The following TRPM4 variants were observed in gnomAD, a reference collection of about 807,000 sequenced individuals.
TRPM4 encodes calcium-activated non-selective cation channel 1.
A neutral mutation model predicts 135.6 loss-of-function variants in TRPM4; 124 were observed. That is an observed-to-expected ratio of 0.91 (90% CI 0.79 to 1.06). TRPM4 has a LOEUF of 1.06. Ranked by LOEUF, TRPM4 falls within the 50% of genes least tolerant of loss-of-function variation. The pLI, the probability that TRPM4 is intolerant of heterozygous loss-of-function variation, is 0.00. For synonymous variants in TRPM4, 745 were observed against 705.6 expected (o/e 1.06, Z -0.88); for missense variants, 1,658 against 1,671.4 (o/e 0.99, Z 0.14).
chr19:49,157,973 C>A lies in TRPM4; in HGVS notation c.24+83C>A, dbSNP rs2041545829. The A allele has an allele frequency of 4.1e-6, 6 of 1,469,870 alleles. No homozygotes were observed. The African/African-American group carries it at 7.0e-5, about 17-fold the overall frequency. 91.1% of individuals were successfully genotyped at this position (1,469,870 alleles called of 1,614,324 possible). A position where few individuals can be genotyped will look rare whatever the true frequency, so the allele number is the denominator to read the frequency against. ...CCCAGAGAGGAGGGCGCTGGACACCCAGATTCCTGGGTCAGACGGAGGAGG... is the reference window on the plus strand; with the variant it reads ...CCCAGAGAGGAGGGCGCTGGACACCAAGATTCCTGGGTCAGACGGAGGAGG... On this transcript the variant is annotated intron_variant, in intron 1 of 24. Coordinates refer to ENST00000252826, the MANE Select transcript of TRPM4 (RefSeq NM_017636.4).
At chr19:49,189,455 G>A (rs897805480) in intron 14 of TRPM4, among the ~76,000 whole-genome samples, 2 of 151,992 alleles carry the variant, frequency 1.3e-5, no homozygotes, top group African/African-American at 2.4e-5. Context: ...GAAGTCCTAC[G>A]GCATCCACAG....
chr19:49,175,095 G>C (rs1172200507), intron 9 of TRPM4, among the ~76,000 whole-genome samples: 7 of 86,250 alleles, frequency 8.1e-5, no homozygotes, highest in African/African-American at 5.3e-4. Context: ...TTTTTTTTGA[G>C]ACGGAGTTTC....
At chr19:49,167,243 CT>C (rs1967237614) in intron 3 of TRPM4, among the ~76,000 whole-genome samples, 3 of 142,020 alleles carry the variant, frequency 2.1e-5, no homozygotes, top group South Asian at 2.3e-4. Context: ...GTCTCTGTCC[CT>C]CTCTCTCTGG....
intron 12 of TRPM4, among the ~76,000 whole-genome samples, chr19:49,185,221 TTTC>T (rs1194942882): frequency 6.6e-6 from 1 of 152,154 alleles, no homozygotes; most frequent in Non-Finnish European, 1.5e-5. Flanking sequence ...ATTCATTTCA[TTTC>T]TTTTCTTTTA....
Position 49,196,761 on chromosome 19 carries a change from C to A in TRPM4, c.2532C>A (p.Gly844=). ...SGGGGSLASG[G]PGPGHASLSQ... The stretch of plus-strand genomic sequence containing the variant: ...GCGGGGGCAGCCTCGCCAGCGGGGG[C>A]CCCGGGCCTGGCCATGCCTCACTGA... The change falls in exon 17 of 25, where the codon GGC becomes GGA. Residue 844 remains glycine (G), a synonymous_variant. Transcript: ENST00000252826. The A allele has an allele frequency of 1.3e-6, 2 of 1,551,672 alleles. No homozygotes were observed. Among genetic ancestry groups the A allele is most frequent in the Non-Finnish European group, 1.7e-6 (2 of 1,155,576 alleles).
In TRPM4 at chr19:49,171,236, G is replaced by A; in HGVS notation, c.797-121G>A. The A allele has an allele frequency of 3.0e-6, 3 of 1,014,804 alleles. No individual in the cohort carries two copies. The highest frequency in any genetic ancestry group is 3.1e-6 in the Non-Finnish European group (2 of 641,600). The allele number at this position is 1,014,804 out of a possible 1,614,324, so 62.9% of individuals were successfully genotyped here. A position where few individuals can be genotyped will look rare whatever the true frequency, so the allele number is the denominator to read the frequency against. ...AAAAAAGAAATGACAATTCCAATGA[G>A]CCTCTGAACAGAAGATTAGGACAAG... On this transcript the variant is annotated intron_variant, in intron 6 of 24. Transcript: ENST00000252826. The surrounding 1 kb of genome is among the most constrained non-coding windows in gnomAD (Gnocchi z 4.7).
chr19:49,190,976 G>A (rs1030894670), intron 16 of TRPM4, among the ~76,000 whole-genome samples: 9 of 152,162 alleles, frequency 5.9e-5, no homozygotes, highest in Non-Finnish European at 1.2e-4. Context: ...ATCTGCGGCT[G>A]GTGAGCCCTC....
intron 17 of TRPM4, 37 bp from the exon 18 acceptor site, chr19:49,200,263 T>A: frequency 1.2e-6 from 2 of 1,614,142 alleles, no homozygotes; most frequent in South Asian, 2.2e-5. Context: ...TGGCGTCTTG[T>A]GACACTTGAC....
chr19:49,195,355 TTTC>T (rs748392398), intron 16 of TRPM4, among the ~76,000 whole-genome samples: 11 of 152,200 alleles, frequency 7.2e-5, no homozygotes, highest in African/African-American at 1.7e-4. Context: ...TCTATGGTCT[TTTC>T]TTCTTCTTCT....
Position 49,210,696 on chromosome 19 carries a change from G to C in TRPM4, c.3329-14G>C, listed in dbSNP as rs777092081. The C allele has an allele frequency of 8.3e-5, 134 of 1,613,416 alleles. 1 individual carries two copies. The highest frequency in any genetic ancestry group is 4.0e-4 in the Admixed American group (24 of 59,936). On this transcript the variant is annotated splice_polypyrimidine_tract_variant and intron_variant, in intron 21 of 24. Coordinates refer to ENST00000252826, the MANE Select transcript of TRPM4 (RefSeq NM_017636.4). This position sits in a 1 kb window ranked among gnomAD's most constrained non-coding sequence, Gnocchi z 4.1. ...GGCGTGGCCTGAGCCCTTTGACTCC[G>C]CCCGCCCCTGCAGGGGTTTACCTTT... is the stretch of plus-strand genomic sequence containing the variant.
chr19:49,178,255 C>T (rs780703776), intron 9 of TRPM4, among the ~76,000 whole-genome samples: 1 of 152,036 alleles, frequency 6.6e-6, no homozygotes, highest in Non-Finnish European at 1.5e-5. Context: ...CCTGGGAGGT[C>T]TCAAAGCTGA....
In TRPM4 at chr19:49,189,022, G is replaced by T. The variant is rs746125543; in HGVS notation, c.1950G>T (p.Gly650=). 6.2e-7 allele frequency: 1 copy of T among 1,614,166 alleles called. No homozygotes were observed. Among genetic ancestry groups the T allele is most frequent in the South Asian group, 1.1e-5 (1 of 91,086 alleles). Reference sequence around the variant, plus strand: ...TCCTCCGTCGCTGCCCGCTCTGGGGGGATGCCACTTGCCTCCAGCTGGCCA... The same window carrying T: ...TCCTCCGTCGCTGCCCGCTCTGGGGTGATGCCACTTGCCTCCAGCTGGCCA... ...RLLLRRCPLW[G]DATCLQLAMQ... The change falls in exon 14 of 25, where the codon GGG becomes GGT. Residue 650 remains glycine, a synonymous_variant. Transcript: ENST00000252826.
At position 49,170,068 on chromosome 19, in the gene TRPM4, C is replaced by CA. The variant is rs535791893; in HGVS notation, c.797-1283dup. ...GGTACTTTTGTCCCTTCCAGCTTTA[C>CA]AAAAAACCAAAAACCAAAAAATCAA... On this transcript the variant is annotated intron_variant, in intron 6 of 24. Transcript: ENST00000252826. Among the ~76,000 whole-genome samples the CA allele has an allele frequency of 1.9e-3, 286 of 152,168 alleles. 1 individual carries two copies. Among genetic ancestry groups the CA allele is most frequent in the Non-Finnish European group, 3.4e-3 (232 of 68,004 alleles).
chr19:49,209,230 C>A (rs1390302180), intron 20 of TRPM4, among the ~76,000 whole-genome samples: 1 of 152,066 alleles, frequency 6.6e-6, no homozygotes, highest in Non-Finnish European at 1.5e-5. Context: ...CTGTAATTTT[C>A]TTGTGATATC....
At chr19:49,197,379 C>T (rs1170545231) in intron 17 of TRPM4, among the ~76,000 whole-genome samples, 1 of 113,448 alleles carries the variant, frequency 8.8e-6, no homozygotes, top group Non-Finnish European at 1.9e-5. Context: ...TCTTTCTTTT[C>T]TTTCTTTCTC....
At position 49,203,401 on chromosome 19, in the gene TRPM4, G is replaced by A. The variant is rs562367113; in HGVS notation, c.3131+1260G>A. On this transcript the variant is annotated intron_variant, in intron 20 of 24. Coordinates refer to ENST00000252826, the MANE Select transcript of TRPM4 (RefSeq NM_017636.4). ...TCACCGTGTTAGCCAGGATGGTTTC[G>A]ATCTCCTGACCTTGTGATCCGCCCG... Among the ~76,000 whole-genome samples, 294 of 147,230 alleles carry A rather than the reference G, an allele frequency of 2.0e-3. 2 individuals are homozygous for A. The highest frequency in any genetic ancestry group is 0.016 in the Middle Eastern group (4 of 258).
At chr19:49,199,779 G>A (rs558241222) in intron 17 of TRPM4, among the ~76,000 whole-genome samples, 16 of 152,128 alleles carry the variant, frequency 1.1e-4, no homozygotes, top group African/African-American at 3.1e-4. Flanking sequence ...GATTACAGGC[G>A]TGAGCCACCG....
At chr19:49,167,609 G>T in intron 3 of TRPM4, 2 of 310,498 alleles carry the variant, frequency 6.4e-6, no homozygotes, top group Middle Eastern at 1.2e-3. Context: ...CATCTCTCTG[G>T]GTCTCTGTCC....
At chr19:49,196,417 C>A in intron 16 of TRPM4, 23 bp from the exon 17 acceptor site, 1 of 1,522,154 alleles carries the variant, frequency 6.6e-7, no homozygotes, top group Non-Finnish European at 8.8e-7. Context: ...AGGCCTCCTC[C>A]CTTCTCTTCT....
Sources: allele counts gnomAD v4.1 joint callset (sites outside exome capture counted in the v4.1 genomes callset), GRCh38; gene constraint gnomAD v4.1.1; non-coding constraint Gnocchi (gnomAD v3.1); transcripts MANE v1.5; gene names NCBI Gene and HGNC (gene_info 2026-07-23, HGNC 2026-07-21).